The following ST8SIA6 variants were observed in gnomAD, a reference collection of about 807,000 sequenced individuals.
ST8SIA6 encodes the protein alpha-2,8-sialyltransferase 8F.
ST8SIA6 carries 39 observed loss-of-function variants against 33.6 expected under a neutral mutation model. The ratio of observed to expected loss-of-function variants is 1.16; its 90% CI spans 0.90 to 1.52. The LOEUF (loss-of-function observed/expected upper bound fraction) is 1.52. Among genes scored for constraint, ST8SIA6 ranks in the 40% most tolerant of loss-of-function variants. The probability of loss-of-function intolerance (pLI) is 0.00; values close to 1 mark genes in which losing one functional copy is unlikely to be tolerated. For missense variants in ST8SIA6, 441 were observed against 443.8 expected (o/e 0.99, Z 0.06); for synonymous variants, 172 against 167.2 (o/e 1.03, Z -0.22).
chr10:17,375,778 TC>T (rs1849894732), intron 3 of ST8SIA6, among the ~76,000 whole-genome samples: 1 of 152,204 alleles, frequency 6.6e-6, no homozygotes, highest in Non-Finnish European at 1.5e-5. Context: ...TACATGCTGT[TC>T]CTTAGAAGAC....
intron 2 of ST8SIA6, among the ~76,000 whole-genome samples, chr10:17,426,105 C>A (rs1851931036): frequency 6.6e-6 from 1 of 152,122 alleles, no homozygotes; most frequent in Admixed American, 6.5e-5. Flanking sequence ...GAGGAAGCTC[C>A]ACCCTGCTGA....
chr10:17,414,766 C>A (rs1851553151), intron 2 of ST8SIA6, among the ~76,000 whole-genome samples: 1 of 152,154 alleles, frequency 6.6e-6, no homozygotes, highest in Non-Finnish European at 1.5e-5. Flanking sequence ...TCTATGACCT[C>A]ATTTAAATAG....
In ST8SIA6 at chr10:17,316,658, C is replaced by G. The variant is rs144306930; in HGVS notation, c.*4220G>C. On this transcript the variant is annotated 3_prime_UTR_variant, in exon 8 of 8. Coordinates refer to ENST00000377602, the MANE Select transcript of ST8SIA6 (RefSeq NM_001004470.3). ...AGTTAATGACCTTACTCATTTTTAC[C>G]AATGCAATGGATGTAGTATCTCACT... Among the ~76,000 whole-genome samples, 553 of 152,176 alleles carry G rather than the reference C, an allele frequency of 3.6e-3. 3 individuals are homozygous for G. Among genetic ancestry groups the G allele is most frequent in the African/African-American group, 0.013 (521 of 41,538 alleles).
chr10:17,336,374 T>G (rs1848498927), intron 4 of ST8SIA6, among the ~76,000 whole-genome samples: 1 of 152,214 alleles, frequency 6.6e-6, no homozygotes, highest in African/African-American at 2.4e-5. Flanking sequence ...AATTAACTTT[T>G]CACTATATTT....
intron 5 of ST8SIA6, among the ~76,000 whole-genome samples, chr10:17,329,573 A>C (rs1474545889): frequency 2.0e-5 from 3 of 152,214 alleles, no homozygotes; most frequent in Non-Finnish European, 2.9e-5. Context: ...TGCCACCATA[A>C]ATTCTGAAGT....
chr10:17,433,296 C>T (rs1420367490), intron 2 of ST8SIA6, among the ~76,000 whole-genome samples: 3 of 152,164 alleles, frequency 2.0e-5, no homozygotes, highest in Non-Finnish European at 4.4e-5. Context: ...CACACACACC[C>T]TTGCTTAAAT....
At chr10:17,400,869 T>C (rs10795486) in intron 2 of ST8SIA6, among the ~76,000 whole-genome samples, 55,338 of 152,030 alleles carry the variant, frequency 0.36, 11,198 homozygotes, top group East Asian at 0.68. Flanking sequence ...AAAAGTGGCA[T>C]GAGACAGGGA....
chr10:17,379,889 G>A (rs1850069408), intron 3 of ST8SIA6, among the ~76,000 whole-genome samples: 1 of 152,086 alleles, frequency 6.6e-6, no homozygotes, highest in African/African-American at 2.4e-5. Flanking sequence ...TTCACATTTT[G>A]GTAACCATGA....
At chr10:17,402,093 AC>A (rs1247376352) in intron 2 of ST8SIA6, among the ~76,000 whole-genome samples, 3 of 152,212 alleles carry the variant, frequency 2.0e-5, no homozygotes, top group Non-Finnish European at 4.4e-5. Context: ...CAAGAAAAAA[AC>A]AACCCCATCA....
intron 2 of ST8SIA6, among the ~76,000 whole-genome samples, chr10:17,448,755 A>C (rs1189473501): frequency 6.8e-6 from 1 of 148,116 alleles, no homozygotes; most frequent in Non-Finnish European, 1.5e-5. Flanking sequence ...AGCTGGGACT[A>C]CAGGTGCCCG....
rs139178750 is a variant in ST8SIA6 at position 17,364,419 on chromosome 10, C to T, written c.291-4819G>A. On this transcript the variant is annotated intron_variant, in intron 3 of 7. Coordinates refer to ENST00000377602, the MANE Select transcript of ST8SIA6 (RefSeq NM_001004470.3). The stretch of plus-strand genomic sequence containing the variant: ...GCAGACCCATCTATTATTAGATATA[C>T]TTCTGGCCATTTTACAATTGGAAGA... Among the ~76,000 whole-genome samples, 456 of 152,218 alleles carry T rather than the reference C, an allele frequency of 3.0e-3. 5 individuals are homozygous for T. Among genetic ancestry groups the T allele is most frequent in the African/African-American group, 0.011 (443 of 41,528 alleles).
In ST8SIA6 at chr10:17,345,942, A is replaced by G. The variant is rs528931545; in HGVS notation, c.377+13572T>C. On this transcript the variant is annotated intron_variant, in intron 4 of 7. Transcript: ENST00000377602. ...TGAAACCTAAAATTCCTCCGCTTGA[A>G]TCGGGGCTGGCCTTAGGAAGTGCTT... Among the ~76,000 whole-genome samples, 3 of 152,280 alleles carry G rather than the reference A, an allele frequency of 2.0e-5. No individual in the cohort carries two copies. In the South Asian group the frequency reaches 6.2e-4, roughly 32 times the overall value.
chr10:17,321,149 A>C lies in ST8SIA6; in HGVS notation c.926T>G (p.Leu309Arg). 6.2e-7 allele frequency: 1 copy of C among 1,614,118 alleles called. No homozygotes were observed. The highest frequency in any genetic ancestry group is 1.1e-5 in the South Asian group (1 of 91,078). The change falls in exon 8 of 8, where the codon CTT becomes CGT. Residue 309 changes from leucine (L) to arginine (R), a missense_variant. Leu to Arg is a moderately radical substitution (Grantham distance 102). Transcript: ENST00000377602. ...AGTCACACCTTTAGTTCTCCAGAAA[A>C]GGGCCAGATCTTTCAGGTACTTGGG... ...FHPKYLKDLA[L>R]FWRTKGVTAY...
chr10:17,350,729 A>G (rs1199344562), intron 4 of ST8SIA6, among the ~76,000 whole-genome samples: 2 of 152,160 alleles, frequency 1.3e-5, no homozygotes, highest in Admixed American at 6.5e-5. Flanking sequence ...ACATTGGGAA[A>G]AATCCCAGCA....
In ST8SIA6 at chr10:17,316,226, T is replaced by C. The variant is rs1436302887; in HGVS notation, c.*4652A>G. Among the ~76,000 whole-genome samples, 8 of 152,120 alleles carry C rather than the reference T, an allele frequency of 5.3e-5. No individual in the cohort carries two copies. The highest frequency in any genetic ancestry group is 1.7e-4 in the African/African-American group (7 of 41,470). ...ACACGTAGCCTTGAATATGTTTGTA[T>C]GTATGCATGCATACGCTTTAAAGTA... On this transcript the variant is annotated 3_prime_UTR_variant, in exon 8 of 8. Coordinates refer to ENST00000377602, the MANE Select transcript of ST8SIA6 (RefSeq NM_001004470.3).
At chr10:17,432,048 A>G (rs1184550580) in intron 2 of ST8SIA6, among the ~76,000 whole-genome samples, 1 of 150,066 alleles carries the variant, frequency 6.7e-6, no homozygotes, top group Non-Finnish European at 1.5e-5. Context: ...CTAGGTGGGT[A>G]TCTGGGGGAT....
chr10:17,339,626 T>C (rs1848610038), intron 4 of ST8SIA6, among the ~76,000 whole-genome samples: 1 of 152,232 alleles, frequency 6.6e-6, no homozygotes, highest in African/African-American at 2.4e-5. Flanking sequence ...CCCCTTTTTT[T>C]ACTTCTCTTC....
Position 17,384,909 on chromosome 10 carries a change from A to T in ST8SIA6, c.290+5622T>A, listed in dbSNP as rs1275503586. ...TTTTCACAGGACAGGAGACTTCACA[A>T]CCTGCTAAAATGAACTTTCGGGACC... On this transcript the variant is annotated intron_variant, in intron 3 of 7. Transcript: ENST00000377602. Among the ~76,000 whole-genome samples the T allele has an allele frequency of 2.0e-5, 3 of 151,974 alleles. No individual in the cohort carries two copies. In the East Asian group the frequency reaches 5.8e-4, roughly 29 times the overall value.
At chr10:17,333,717 ATTTTTTTTTT>A (rs71392102) in intron 4 of ST8SIA6, among the ~76,000 whole-genome samples, 3 of 33,754 alleles carry the variant, frequency 8.9e-5, no homozygotes, top group Non-Finnish European at 1.4e-4. Context: ...ATATATATAT[ATTTTTTTTTT>A]TTTTTTTTTT....
Sources: allele counts gnomAD v4.1 joint callset (sites outside exome capture counted in the v4.1 genomes callset), GRCh38; gene constraint gnomAD v4.1.1; transcripts MANE v1.5; gene names NCBI Gene and HGNC (gene_info 2026-07-23, HGNC 2026-07-21).